GPC3: variants seen among roughly 807,000 people sequenced by gnomAD.
The protein encoded by GPC3 is glypican 3.
A neutral mutation model predicts 34.4 loss-of-function variants in GPC3; 3 were observed. The ratio of observed to expected loss-of-function variants is 0.09; its 90% confidence interval spans 0.04 to 0.23. The LOEUF (loss-of-function observed/expected upper bound fraction) is 0.23. Ranked by LOEUF, GPC3 falls within the 10% of genes least tolerant of loss-of-function variation. The probability of loss-of-function intolerance (pLI) is 1.00; values close to 1 mark genes in which losing one functional copy is unlikely to be tolerated. For missense variants in GPC3, 351 were observed against 445.6 expected (o/e 0.79, Z 1.91); for synonymous variants, 177 against 174.0 (o/e 1.02, Z -0.13).
chrX:133,564,369 T>C (rs1425635153), intron 7 of GPC3, among the ~76,000 whole-genome samples: 3 of 111,495 alleles, frequency 2.7e-5, no homozygotes, highest in African/African-American at 9.8e-5. Flanking sequence ...CCTCCCAACA[T>C]GTTCCTTTCC....
intron 6 of GPC3, among the ~76,000 whole-genome samples, chrX:133,644,544 A>T (rs999012003): frequency 2.0e-4 from 22 of 111,919 alleles, no homozygotes; most frequent in Non-Finnish European, 2.8e-4. Context: ...TGATTTAAAA[A>T]ATAATTTTAA....
intron 7 of GPC3, among the ~76,000 whole-genome samples, chrX:133,584,289 T>C (rs1000243358): frequency 3.6e-5 from 4 of 111,502 alleles, no homozygotes; most frequent in African/African-American, 1.3e-4. Flanking sequence ...GGAAGGAGAA[T>C]AGGTGATTGA....
At chrX:133,635,004 C>G (rs936824675) in intron 6 of GPC3, among the ~76,000 whole-genome samples, 2 of 111,166 alleles carry the variant, frequency 1.8e-5, no homozygotes, top group Non-Finnish European at 3.8e-5. Flanking sequence ...AGACTCCTCC[C>G]CTGTCCTAGC....
intron 2 of GPC3, among the ~76,000 whole-genome samples, chrX:133,936,039 A>G (rs2124624934): frequency 9.2e-6 from 1 of 108,910 alleles, no homozygotes; most frequent in East Asian, 2.9e-4. Flanking sequence ...CAGTCTCCCA[A>G]GTAGCTGGGA....
In GPC3 at chrX:133,639,416, T is replaced by TC. The variant is rs377612577; in HGVS notation, c.1413+22313dup. ...TGTGTCTGATTCATCTTTGTGTCTC[T>TC]CCCAGAGCCTACCCAAGTACCTGAC... On this transcript the variant is annotated intron_variant, in intron 6 of 7. Transcript: ENST00000370818. 1.8e-3 allele frequency among the ~76,000 whole-genome samples: 200 copies of TC among 111,963 alleles called. 1 individual carries two copies. Among genetic ancestry groups the TC allele is most frequent in the African/African-American group, 6.2e-3 (192 of 30,835 alleles).
At chrX:133,613,296 G>A (rs2066787770) in intron 6 of GPC3, among the ~76,000 whole-genome samples, 1 of 111,810 alleles carries the variant, frequency 8.9e-6, no homozygotes, top group Non-Finnish European at 1.9e-5. Context: ...TGTTCCAAGA[G>A]CTTTTACAAC....
At chrX:133,780,968 A>G (rs1257540252) in intron 2 of GPC3, among the ~76,000 whole-genome samples, 1 of 111,759 alleles carries the variant, frequency 8.9e-6, no homozygotes. Flanking sequence ...TATTTTTCTC[A>G]TATCCCAAGC....
chrX:133,570,520 C>T (rs1408780265), intron 7 of GPC3, among the ~76,000 whole-genome samples: 2 of 112,652 alleles, frequency 1.8e-5, no homozygotes, highest in Non-Finnish European at 3.7e-5. Flanking sequence ...TGTTTTAAAG[C>T]AGAGGTATAA....
At chrX:133,932,036 G>A (rs777960743) in intron 2 of GPC3, among the ~76,000 whole-genome samples, 1 of 111,933 alleles carries the variant, frequency 8.9e-6, no homozygotes, top group East Asian at 2.8e-4. Context: ...TTCTGCTCAA[G>A]GTAAAAATTG....
intron 3 of GPC3, among the ~76,000 whole-genome samples, chrX:133,730,912 A>T (rs2071456595): frequency 8.9e-6 from 1 of 112,297 alleles, no homozygotes; most frequent in African/African-American, 3.2e-5. Flanking sequence ...GCCTTAAATC[A>T]TATGCCTCAG....
intron 7 of GPC3, among the ~76,000 whole-genome samples, chrX:133,548,351 A>G (rs1421148120): frequency 8.9e-6 from 1 of 111,812 alleles, no homozygotes. Flanking sequence ...ATATACTTGG[A>G]TGGGAAAACC....
At chrX:133,564,858 C>T (rs2069569346) in intron 7 of GPC3, among the ~76,000 whole-genome samples, 1 of 111,944 alleles carries the variant, frequency 8.9e-6, no homozygotes, top group South Asian at 3.7e-4. Context: ...GCCAATGGAC[C>T]AAACCTACAG....
At chrX:133,584,853 C>G (rs925724134) in intron 7 of GPC3, among the ~76,000 whole-genome samples, 1 of 106,639 alleles carries the variant, frequency 9.4e-6, no homozygotes, top group African/African-American at 3.5e-5. Flanking sequence ...TTAAAAGATT[C>G]TGTCTGTGCT....
At chrX:133,860,051 C>T (rs1044122946) in intron 2 of GPC3, among the ~76,000 whole-genome samples, 2 of 111,114 alleles carry the variant, frequency 1.8e-5, no homozygotes, top group African/African-American at 6.5e-5. Flanking sequence ...AGGACAGCAC[C>T]AAGCCTGTTC....
chrX:133,617,504 T>C (rs2070180179), intron 6 of GPC3, among the ~76,000 whole-genome samples: 2 of 112,021 alleles, frequency 1.8e-5, no homozygotes, highest in South Asian at 7.5e-4. Context: ...AGGGTGTTGA[T>C]GATTAAATAC....
At chrX:133,666,149 T>C (rs1373924491) in intron 5 of GPC3, among the ~76,000 whole-genome samples, 1 of 111,967 alleles carries the variant, frequency 8.9e-6, no homozygotes, top group Non-Finnish European at 1.9e-5. Context: ...GGTCCTACTG[T>C]ATTATTTTCT....
chrX:133,975,434 TC>T (rs1353325147), intron 1 of GPC3, among the ~76,000 whole-genome samples: 2 of 111,729 alleles, frequency 1.8e-5, no homozygotes, highest in Non-Finnish European at 3.8e-5. Flanking sequence ...GAAAGCCCCC[TC>T]TTTTTTTTTT....
intron 2 of GPC3, among the ~76,000 whole-genome samples, chrX:133,773,641 A>C (rs2071945217): frequency 8.9e-6 from 1 of 111,845 alleles, no homozygotes; most frequent in African/African-American, 3.3e-5. Flanking sequence ...AAGTGAACAT[A>C]AAAGAGCAGA....
At chrX:133,537,430 C>A (rs1157833139) in intron 7 of GPC3, among the ~76,000 whole-genome samples, 1 of 111,231 alleles carries the variant, frequency 9.0e-6, no homozygotes, top group Non-Finnish European at 1.9e-5. Context: ...GAAGGAAGAG[C>A]TTCTCTTACA....
Sources: gnomAD v4.1 joint callset for allele counts (sites outside exome capture counted in the v4.1 genomes callset) on GRCh38, gnomAD v4.1.1 for gene constraint, MANE v1.5 for transcripts, NCBI Gene and HGNC (gene_info 2026-07-23, HGNC 2026-07-21) for gene names.